The following SLC38A1 variants were observed in gnomAD, a reference collection of about 807,000 sequenced individuals.
The protein encoded by SLC38A1 is sodium-coupled neutral amino acid symporter 1.
Under a neutral mutation model 60.3 loss-of-function variants are expected in SLC38A1, and 18 were observed. The ratio of observed to expected loss-of-function variants is 0.30; its 90% CI spans 0.21 to 0.44. The LOEUF is 0.44. Among genes scored for constraint, SLC38A1 ranks in the 20% least tolerant of loss-of-function variants. The pLI is 1.00. For synonymous variants in SLC38A1, 196 were observed against 212.1 expected, an observed-to-expected ratio of 0.92 and a Z score of 0.66; for missense variants, 448 against 587.2, an observed-to-expected ratio of 0.76 and a Z score of 2.45.
chr12:46,227,759 G>A (rs1940922257), intron 5 of SLC38A1, among the ~76,000 whole-genome samples: 1 of 152,162 alleles, frequency 6.6e-6, no homozygotes, highest in Non-Finnish European at 1.5e-5. Context: ...GCCTGGTTCT[G>A]AAATTTTTCT....
At chr12:46,210,212 A>G (rs1940096243) in intron 5 of SLC38A1, among the ~76,000 whole-genome samples, 1 of 152,156 alleles carries the variant, frequency 6.6e-6, no homozygotes, top group Non-Finnish European at 1.5e-5. Context: ...CCCTGGCCCC[A>G]GGCAGAATGA....
At chr12:46,225,077 C>T (rs924323524) in intron 5 of SLC38A1, among the ~76,000 whole-genome samples, 9 of 152,094 alleles carry the variant, frequency 5.9e-5, no homozygotes, top group Non-Finnish European at 1.2e-4. Context: ...AGGCGTAAAG[C>T]TGCTAGGATA....
Position 46,198,649 on chromosome 12 carries a change from G to A in SLC38A1, c.1098C>T (p.Leu366=). Residue 366 remains leucine (L), a synonymous_variant, in exon 14 of 17, where the codon CTC becomes CTT. Transcript: ENST00000398637. ...VRLAVIVAVI[L]TVPVLFFTVR... ...CCGTGAAAAATAACACCGGCACTGTGAGGATCACAGCAACAATGACAGCCA... is the reference window on the plus strand; with the variant it reads ...CCGTGAAAAATAACACCGGCACTGTAAGGATCACAGCAACAATGACAGCCA... 2 of 1,612,640 alleles carry A rather than the reference G, an allele frequency of 1.2e-6. No individual in the cohort carries two copies. Among genetic ancestry groups the A allele is most frequent in the South Asian group, 1.1e-5 (1 of 90,926 alleles).
intron 5 of SLC38A1, among the ~76,000 whole-genome samples, chr12:46,225,668 G>A (rs1188773395): frequency 6.6e-6 from 1 of 152,178 alleles, no homozygotes; most frequent in Non-Finnish European, 1.5e-5. Flanking sequence ...AGCATCTTAA[G>A]TGAAGCTATT....
Position 46,229,134 on chromosome 12 carries a change from C to T in SLC38A1, c.314+19G>A, listed in dbSNP as rs1332420842. Reference sequence around the variant, plus strand: ...AAGTTCAGTTTTAAAATGGAAAGTACCGGCACGTCAATACTCACAGAAAAA... The same window carrying T: ...AAGTTCAGTTTTAAAATGGAAAGTATCGGCACGTCAATACTCACAGAAAAA... On this transcript the variant is annotated intron_variant, in intron 5 of 16. Coordinates refer to ENST00000398637, the MANE Select transcript of SLC38A1 (RefSeq NM_030674.4). 4.2e-6 allele frequency: 6 copies of T among 1,445,644 alleles called. No individual in the cohort carries two copies. The highest frequency in any genetic ancestry group is 4.6e-5 in the East Asian group (2 of 43,850). The allele number at this position is 1,445,644 out of a possible 1,614,324, so 89.6% of individuals were successfully genotyped here.
At chr12:46,252,483 A>G (rs1468216607) in intron 1 of SLC38A1, among the ~76,000 whole-genome samples, 2 of 151,938 alleles carry the variant, frequency 1.3e-5, no homozygotes, top group Non-Finnish European at 2.9e-5. Flanking sequence ...ACTATAATAT[A>G]TATACCCTAG....
intron 1 of SLC38A1, among the ~76,000 whole-genome samples, chr12:46,252,890 T>C (rs1451395655): frequency 1.3e-5 from 2 of 151,872 alleles, no homozygotes; most frequent in East Asian, 1.9e-4. Flanking sequence ...GATCCTCTCA[T>C]TTGCCACAAC....
intron 5 of SLC38A1, among the ~76,000 whole-genome samples, chr12:46,219,221 C>G (rs1307391639): frequency 6.6e-6 from 1 of 152,198 alleles, no homozygotes; most frequent in African/African-American, 2.4e-5. Context: ...CAGGAATGAA[C>G]AAGGACAGCT....
In SLC38A1 at chr12:46,192,598, C is replaced by T. The variant is rs146465260; in HGVS notation, c.1363-3527G>A. 5.0e-3 allele frequency among the ~76,000 whole-genome samples: 759 copies of T among 152,286 alleles called. 2 individuals carry two copies. Among genetic ancestry groups the T allele is most frequent in the Middle Eastern group, 0.02 (6 of 294 alleles). On this transcript the variant is annotated intron_variant, in intron 16 of 16. Coordinates refer to ENST00000398637, the MANE Select transcript of SLC38A1 (RefSeq NM_030674.4). ...TGGTTGGTAGGCTATTATTTATTGCCTCAATTTCAGAACCTGATATTGATC... is the reference window on the plus strand; with the variant it reads ...TGGTTGGTAGGCTATTATTTATTGCTTCAATTTCAGAACCTGATATTGATC...
chr12:46,247,830 A>G (rs1243852666), intron 1 of SLC38A1, among the ~76,000 whole-genome samples: 1 of 152,242 alleles, frequency 6.6e-6, no homozygotes, highest in Non-Finnish European at 1.5e-5. Flanking sequence ...GACTAACAGC[A>G]GATCTCTCAG....
chr12:46,256,636 C>CACACACACACACACACAG (rs142176282), intron 1 of SLC38A1, among the ~76,000 whole-genome samples: 4 of 123,268 alleles, frequency 3.2e-5, no homozygotes, highest in African/African-American at 1.4e-4. Context: ...CACACACACA[C>CACACACACACACACACAG]AGAGAGAGAG....
At chr12:46,236,905 C>A (rs1226013860) in intron 3 of SLC38A1, among the ~76,000 whole-genome samples, 1 of 152,160 alleles carries the variant, frequency 6.6e-6, no homozygotes, top group Non-Finnish European at 1.5e-5. Flanking sequence ...CACCAGTTGG[C>A]AGCACTGGTC....
intron 14 of SLC38A1, among the ~76,000 whole-genome samples, chr12:46,198,264 T>C (rs1939479531): frequency 6.9e-6 from 1 of 144,500 alleles, no homozygotes; most frequent in African/African-American, 2.8e-5. Flanking sequence ...AGTAGTAGAG[T>C]TTTCTTGTTG....
Position 46,261,046 on chromosome 12 carries a change from C to G in SLC38A1, c.-209+7480G>C, listed in dbSNP as rs148030874. ...TATTCCTTCTAATTTTCCATTCCTG[C>G]AATGGGTCTACTCTTATGCAGTTTT... On this transcript the variant is annotated intron_variant, in intron 1 of 16. Transcript: ENST00000398637. 7.9e-5 allele frequency among the ~76,000 whole-genome samples: 12 copies of G among 152,318 alleles called. No homozygotes were observed. In the East Asian group the frequency reaches 2.1e-3, roughly 27 times the overall value.
intron 3 of SLC38A1, among the ~76,000 whole-genome samples, chr12:46,238,097 T>A (rs1941320096): frequency 6.6e-6 from 1 of 151,820 alleles, no homozygotes; most frequent in Non-Finnish European, 1.5e-5. Flanking sequence ...ACTTTACATT[T>A]TTCTCACTTG....
chr12:46,194,292 CAG>C (rs950824079), intron 16 of SLC38A1, among the ~76,000 whole-genome samples: 1 of 152,218 alleles, frequency 6.6e-6, no homozygotes, highest in African/African-American at 2.4e-5. Flanking sequence ...AGGGTTTCTG[CAG>C]AGAGATCGGC....
intron 1 of SLC38A1, among the ~76,000 whole-genome samples, chr12:46,244,682 C>G (rs1941555171): frequency 6.6e-6 from 1 of 152,198 alleles, no homozygotes; most frequent in African/African-American, 2.4e-5. Flanking sequence ...GAAGGAGGCA[C>G]AGATAGCATT....
chr12:46,213,239 T>G (rs945450043), intron 5 of SLC38A1, among the ~76,000 whole-genome samples: 22 of 152,244 alleles, frequency 1.4e-4, no homozygotes, highest in Non-Finnish European at 2.6e-4. Flanking sequence ...GGAATTCATT[T>G]TTACGGCAAC....
intron 16 of SLC38A1, among the ~76,000 whole-genome samples, chr12:46,194,253 A>G (rs1404529495): frequency 1.3e-5 from 2 of 152,170 alleles, no homozygotes; most frequent in African/African-American, 2.4e-5. Context: ...ATAATGTTGA[A>G]TATTGGCCCC....
Sources: gnomAD v4.1 joint callset for allele counts (sites outside exome capture counted in the v4.1 genomes callset) on GRCh38, gnomAD v4.1.1 for gene constraint, MANE v1.5 for transcripts, NCBI Gene and HGNC (gene_info 2026-07-23, HGNC 2026-07-21) for gene names.